SPOPL: variants seen among roughly 807,000 people sequenced by gnomAD.
SPOPL encodes the protein speckle type BTB/POZ protein like.
Under a neutral mutation model 53.8 loss-of-function variants are expected in SPOPL, and 23 were observed. The observed-to-expected ratio is 0.43, with a 90% CI of 0.31 to 0.61. The LOEUF is 0.61. SPOPL is among the 20% of genes least tolerant of loss of function. SPOPL has a pLI of 0.12. For synonymous variants in SPOPL, 164 were observed against 149.7 expected (o/e 1.10, Z -0.70); for missense variants, 442 against 466.9 (o/e 0.95, Z 0.49).
chr2:138,528,553 T>A (rs1684728495), intron 1 of SPOPL, among the ~76,000 whole-genome samples: 1 of 152,374 alleles, frequency 6.6e-6, no homozygotes, highest in East Asian at 1.9e-4. Context: ...AAGAGATTGA[T>A]AAATGTGTTC....
At chr2:138,552,105 A>G (rs1382704384) in intron 4 of SPOPL, among the ~76,000 whole-genome samples, 1 of 152,068 alleles carries the variant, frequency 6.6e-6, no homozygotes, top group Non-Finnish European at 1.5e-5. Context: ...AGGAAAGCTT[A>G]AACATGCCTT....
intron 1 of SPOPL, among the ~76,000 whole-genome samples, chr2:138,502,850 A>T (rs1461978768): frequency 6.6e-6 from 1 of 152,134 alleles, no homozygotes. Context: ...GGAAGGTAGC[A>T]TTTTCTCTCT....
chr2:138,508,110 T>C (rs1189314531), intron 1 of SPOPL, among the ~76,000 whole-genome samples: 1 of 152,168 alleles, frequency 6.6e-6, no homozygotes, highest in African/African-American at 2.4e-5. Flanking sequence ...CATCCCCTGA[T>C]AGCTTAAATG....
chr2:138,515,657 A>G (rs1337795856), intron 1 of SPOPL, among the ~76,000 whole-genome samples: 1 of 152,102 alleles, frequency 6.6e-6, no homozygotes, highest in Non-Finnish European at 1.5e-5. Flanking sequence ...TCATTCCTTA[A>G]TCATTGTAGA....
rs183980925 is a variant in SPOPL at position 138,538,437 on chromosome 2, T to C, written c.-60-11720T>C. 5.1e-4 allele frequency among the ~76,000 whole-genome samples: 77 copies of C among 152,330 alleles called. 2 individuals are homozygous for C. Among genetic ancestry groups the C allele is most frequent in the Non-Finnish European group, 1.0e-4 (7 of 68,036 alleles). ...CATACCTTCTTGATGAATTGACCCTTTTATCAATAGATAATATCCTTTGTC... is the reference window on the plus strand; with the variant it reads ...CATACCTTCTTGATGAATTGACCCTCTTATCAATAGATAATATCCTTTGTC... On this transcript the variant is annotated intron_variant, in intron 1 of 10. Transcript: ENST00000280098.
intron 1 of SPOPL, among the ~76,000 whole-genome samples, chr2:138,549,629 A>G (rs1378277355): frequency 6.6e-6 from 1 of 152,130 alleles, no homozygotes. Context: ...GTTGTCTGAG[A>G]TAGACGTGGA....
chr2:138,530,255 T>C (rs557676604), intron 1 of SPOPL, among the ~76,000 whole-genome samples: 3 of 152,266 alleles, frequency 2.0e-5, no homozygotes, highest in Admixed American at 2.0e-4. Context: ...TTATTGTGAA[T>C]AGTGCTGCAG....
In SPOPL at chr2:138,552,624, T is replaced by C. The variant is rs773277246; in HGVS notation, c.423T>C (p.Phe141=). ...WGFKKFIRRD[F]LLDEANGLLP... is the part of the protein sequence containing the mutation. ...TTAAAAAATTCATTAGAAGGGACTT[T>C]TTGCTTGATGAAGCTAATGGTCTTT... Residue 141 remains phenylalanine (F), a synonymous_variant, in exon 5 of 11, where the codon TTT becomes TTC. Transcript: ENST00000280098. 6.2e-7 allele frequency: 1 copy of C among 1,613,296 alleles called. No homozygotes were observed. Among genetic ancestry groups the C allele is most frequent in the African/African-American group, 1.3e-5 (1 of 75,000 alleles).
chr2:138,505,585 T>G, intron 1 of SPOPL, among the ~76,000 whole-genome samples: 2 of 124,986 alleles, frequency 1.6e-5, no homozygotes, highest in Non-Finnish European at 1.6e-5. Context: ...GGTGAAACTG[T>G]GTCTCTTCTA....
chr2:138,522,611 A>G (rs1332239329), intron 1 of SPOPL, among the ~76,000 whole-genome samples: 1 of 151,990 alleles, frequency 6.6e-6, no homozygotes, highest in Non-Finnish European at 1.5e-5. Flanking sequence ...GTCCTTAGCC[A>G]ATTTTTTTTT....
intron 1 of SPOPL, among the ~76,000 whole-genome samples, chr2:138,522,429 T>C (rs1385465875): frequency 6.6e-6 from 1 of 152,148 alleles, no homozygotes; most frequent in Non-Finnish European, 1.5e-5. Flanking sequence ...ATAAGGTAAA[T>C]GAAGGTATTT....
Position 138,552,579 on chromosome 2 carries a change from G to C in SPOPL, c.378G>C (p.Val126=). The C allele has an allele frequency of 6.2e-7, 1 of 1,612,720 alleles. No homozygotes were observed. Among genetic ancestry groups the C allele is most frequent in the Non-Finnish European group, 8.5e-7 (1 of 1,179,154 alleles). The part of the protein sequence containing the change: ...AMESQRAYRF[V]QGKDWGFKKF... Reference sequence around the variant, plus strand: ...AAAGCCAAAGAGCATATCGATTTGTGCAAGGGAAGGACTGGGGTTTTAAAA... The same window carrying C: ...AAAGCCAAAGAGCATATCGATTTGTCCAAGGGAAGGACTGGGGTTTTAAAA... Residue 126 remains valine (V), a synonymous_variant, in exon 5 of 11, where the codon GTG becomes GTC. Transcript: ENST00000280098.
intron 7 of SPOPL, 35 bp downstream of exon 7, chr2:138,559,372 A>G (rs1405620661): frequency 1.3e-6 from 2 of 1,570,662 alleles, no homozygotes; most frequent in East Asian, 4.6e-5. Context: ...TTGAATTTAT[A>G]TAAACGTAAA....
chr2:138,540,693 G>A (rs1444293418), intron 1 of SPOPL, among the ~76,000 whole-genome samples: 1 of 152,154 alleles, frequency 6.6e-6, no homozygotes, highest in African/African-American at 2.4e-5. Context: ...TGCAAACAGG[G>A]ACAATTTGAC....
chr2:138,553,650 G>C lies in SPOPL; in HGVS notation c.480+969G>C, dbSNP rs1685360431. Among the ~76,000 whole-genome samples, 5 of 151,954 alleles carry C rather than the reference G, an allele frequency of 3.3e-5. No individual in the cohort carries two copies. In the South Asian group the frequency reaches 1.0e-3, roughly 32 times the overall value. On this transcript the variant is annotated intron_variant, in intron 5 of 10. Transcript: ENST00000280098. ...TTACAAACTAATTGTATGACATTAT[G>C]TCAGAAGAATAATTGAAATATGCCT...
chr2:138,530,585 T>C (rs73959463), intron 1 of SPOPL, among the ~76,000 whole-genome samples: 1,776 of 152,310 alleles, frequency 0.012, 39 homozygotes, highest in African/African-American at 0.04. Context: ...TTAGATTTAT[T>C]TCTAGGAAGT....
rs909938044 is a variant in SPOPL, at chr2:138,569,717, A to T, written c.*637A>T. On this transcript the variant is annotated 3_prime_UTR_variant, in exon 11 of 11. Coordinates refer to ENST00000280098, the MANE Select transcript of SPOPL (RefSeq NM_001001664.3). ...GTTTGTCTTGTATGTTAACTGTCCA[A>T]CAAACTGTGGGTTTATTCTAAGTTT... 7 of 152,372 alleles carry T rather than the reference A, an allele frequency of 4.6e-5. No individual in the cohort carries two copies. The highest frequency in any genetic ancestry group is 1.7e-4 in the African/African-American group (7 of 41,462). 9.4% of individuals were successfully genotyped at this position (152,372 alleles called of 1,614,324 possible).
chr2:138,538,996 G>A (rs533943258), intron 1 of SPOPL, among the ~76,000 whole-genome samples: 27 of 152,160 alleles, frequency 1.8e-4, no homozygotes, highest in South Asian at 1.7e-3. Context: ...GAGAACATGC[G>A]GTGTTTGGTT....
intron 3 of SPOPL, 72 bp from the exon 4 acceptor site, chr2:138,550,831 C>CTCTCTT: frequency 2.9e-6 from 4 of 1,375,520 alleles, no homozygotes; most frequent in Non-Finnish European, 3.9e-6. Flanking sequence ...CTCTCTTTCT[C>CTCTCTT]TCTCTCTCTC....
Sources: allele counts gnomAD v4.1 joint callset (sites outside exome capture counted in the v4.1 genomes callset), GRCh38; gene constraint gnomAD v4.1.1; transcripts MANE v1.5; gene names NCBI Gene and HGNC (gene_info 2026-07-23, HGNC 2026-07-21).